PLEKHM1: variants seen among roughly 807,000 people sequenced by gnomAD.
PLEKHM1 encodes the protein pleckstrin homology and RUN domain containing M1.
A neutral mutation model predicts 94.3 loss-of-function variants in PLEKHM1; 28 were observed. The ratio of observed to expected loss-of-function variants is 0.30; its 90% confidence interval spans 0.22 to 0.41. PLEKHM1 has a LOEUF of 0.41. PLEKHM1 is among the 10% of genes least tolerant of loss of function. The pLI is 1.00. For synonymous variants in PLEKHM1, 424 were observed against 581.2 expected (o/e 0.73, Z 3.89); for missense variants, 907 against 1,358.6 (o/e 0.67, Z 5.22).
rs772114547 is a variant in PLEKHM1, at chr17:45,450,603, G to A, written c.2643+15C>T. The A allele has an allele frequency of 6.2e-7, 1 of 1,613,534 alleles. No individual in the cohort carries two copies. Among genetic ancestry groups the A allele is most frequent in the Non-Finnish European group, 8.5e-7 (1 of 1,179,856 alleles). ...TCTGTCCCTCAGCAGCTGGGCTGCT[G>A]GGCTTGAGACTTACCGGGCGCTTGG... On this transcript the variant is annotated intron_variant, in intron 8 of 11. Transcript: ENST00000430334.
Position 45,450,665 on chromosome 17 carries a change from C to G in PLEKHM1, c.2596G>C (p.Val866Leu). ...TTGTGGATGATCCTGGCCGGAATCA[C>G]TGAGGCATCGTCTTGGTGGCAGATG... ...CDICHQDDAS[V>L]IPARIIHNWD... Residue 866 changes from valine to leucine, a missense_variant, in exon 8 of 12, where the codon GTG becomes CTG. Physicochemically the swap from Val to Leu is conservative, Grantham distance 32. Coordinates refer to ENST00000430334, the MANE Select transcript of PLEKHM1 (RefSeq NM_014798.3). The G allele has an allele frequency of 6.2e-7, 1 of 1,611,754 alleles. No homozygotes were observed. Among genetic ancestry groups the G allele is most frequent in the Non-Finnish European group, 8.5e-7 (1 of 1,179,288 alleles).
At position 45,437,508 on chromosome 17, in the gene PLEKHM1, GA is replaced by G; in HGVS notation, c.*349del. 1 of 547,296 alleles carries G rather than the reference GA, an allele frequency of 1.8e-6. No individual in the cohort carries two copies. Among genetic ancestry groups the G allele is most frequent in the Non-Finnish European group, 3.5e-6 (1 of 287,598 alleles). The allele number at this position is 547,296 out of a possible 1,614,324, so 33.9% of individuals were successfully genotyped here. A position where few individuals can be genotyped will look rare whatever the true frequency, so the allele number is the denominator to read the frequency against. ...ACCTTTTAATCAGGAATGTGGAATT[GA>G]AAATGCTCCCCAAGTCCCCTTTCCA... On this transcript the variant is annotated 3_prime_UTR_variant, in exon 12 of 12. Transcript: ENST00000430334. The surrounding 1 kb of genome is among the most constrained non-coding windows in gnomAD (Gnocchi z 4.0).
chr17:45,438,820 G>A (rs2050350336), intron 11 of PLEKHM1, among the ~76,000 whole-genome samples: 2 of 152,108 alleles, frequency 1.3e-5, no homozygotes, highest in Non-Finnish European at 2.9e-5. Context: ...GCCTCCCAAA[G>A]TTGTGGGATT....
chr17:45,477,983 G>A lies in PLEKHM1; in HGVS notation c.213C>T (p.Ala71=), dbSNP rs1433978426. 3.7e-6 allele frequency: 6 copies of A among 1,613,990 alleles called. No individual in the cohort carries two copies. Among genetic ancestry groups the A allele is most frequent in the South Asian group, 1.1e-5 (1 of 91,070 alleles). The change falls in exon 3 of 12, where the codon GCC becomes GCT. Residue 71 remains alanine, a synonymous_variant. Transcript: ENST00000430334. The part of the protein sequence containing the change: ...GLHAKHIRAE[A]GGKRKKSAHQ... ...GGGCACTTTTCTTCCTTTTTCCTCC[G>A]GCCTCAGCTCGGATGTGCTTGGCGT...
Position 45,437,202 on chromosome 17 carries a change from A to G in PLEKHM1, c.*656T>C, listed in dbSNP as rs368368951. On this transcript the variant is annotated 3_prime_UTR_variant, in exon 12 of 12. Transcript: ENST00000430334. The surrounding 1 kb of genome is among the most constrained non-coding windows in gnomAD (Gnocchi z 4.0). ...CACTGGGGTGGGGAGTAAAGAGGAC[A>G]CAGAGGAACCGGGGTCGCCAGGACT... 2.2e-6 allele frequency: 1 copy of G among 452,726 alleles called. No individual in the cohort carries two copies. The highest frequency in any genetic ancestry group is 2.0e-5 in the African/African-American group (1 of 49,982). 28.0% of individuals were successfully genotyped at this position (452,726 alleles called of 1,614,324 possible).
At position 45,436,026 on chromosome 17, in the gene PLEKHM1, A is replaced by T. The variant is rs1456564050; in HGVS notation, c.*1832T>A. On this transcript the variant is annotated 3_prime_UTR_variant, in exon 12 of 12. Transcript: ENST00000430334. ...CACTAGGAACAGTGTATTGCATAAA[A>T]TAACATTTTAAAAATAGTGTGGGCA... 4.4e-6 allele frequency: 2 copies of T among 456,566 alleles called. No individual in the cohort carries two copies. The highest frequency in any genetic ancestry group is 4.0e-5 in the African/African-American group (2 of 50,106). 28.3% of individuals were successfully genotyped at this position (456,566 alleles called of 1,614,324 possible).
chr17:45,478,978 T>C (rs1242506419), intron 2 of PLEKHM1, among the ~76,000 whole-genome samples: 2 of 151,882 alleles, frequency 1.3e-5, no homozygotes, highest in Non-Finnish European at 2.9e-5. Flanking sequence ...ACTTTCTGAT[T>C]TATAGTACTA....
chr17:45,462,352 G>A (rs1271769371), intron 5 of PLEKHM1, among the ~76,000 whole-genome samples: 1 of 151,672 alleles, frequency 6.6e-6, no homozygotes, highest in African/African-American at 2.4e-5. Flanking sequence ...AAGAACTGGG[G>A]GACCCCCCTG....
At chr17:45,438,339 CT>C (rs1409153854) in intron 11 of PLEKHM1, among the ~76,000 whole-genome samples, 1 of 152,022 alleles carries the variant, frequency 6.6e-6, no homozygotes, top group African/African-American at 2.4e-5. Context: ...CGAGACCATC[CT>C]GGCTAACACA....
chr17:45,454,127 C>T lies in PLEKHM1; in HGVS notation c.1725G>A (p.Glu575=). 2 of 1,614,204 alleles carry T rather than the reference C, an allele frequency of 1.2e-6. No individual in the cohort carries two copies. Among genetic ancestry groups the T allele is most frequent in the Non-Finnish European group, 1.7e-6 (2 of 1,180,046 alleles). Reference sequence around the variant, plus strand: ...ACTCACAGCGAAGCAGCGAGCAGTTCTCCACACAGGTGTGCTCCTCGTTGC... The same window carrying T: ...ACTCACAGCGAAGCAGCGAGCAGTTTTCCACACAGGTGTGCTCCTCGTTGC... ...YLSNEEHTCV[E]NCSLLRCESV... The change falls in exon 7 of 12, where the codon GAG becomes GAA. Residue 575 remains glutamate (E), a synonymous_variant. Coordinates refer to ENST00000430334, the MANE Select transcript of PLEKHM1 (RefSeq NM_014798.3).
intron 1 of PLEKHM1, among the ~76,000 whole-genome samples, chr17:45,489,283 C>A (rs2052230265): frequency 6.6e-6 from 1 of 152,228 alleles, no homozygotes; most frequent in Admixed American, 6.5e-5. Context: ...CCCATCATAT[C>A]CCCTGAATTC....
intron 1 of PLEKHM1, among the ~76,000 whole-genome samples, chr17:45,488,556 T>C (rs1401778079): frequency 2.0e-5 from 3 of 152,090 alleles, no homozygotes; most frequent in Admixed American, 6.6e-5. Flanking sequence ...TGCATATTAA[T>C]GGGAGGACAT....
chr17:45,452,962 A>T (rs1192709156), intron 7 of PLEKHM1: 12 of 346,384 alleles, frequency 3.5e-5, no homozygotes, highest in Non-Finnish European at 5.5e-6. Flanking sequence ...TTTTATAATT[A>T]AAAAAAAGGG....
At chr17:45,464,487 G>A (rs1447321605) in intron 5 of PLEKHM1, among the ~76,000 whole-genome samples, 1 of 152,188 alleles carries the variant, frequency 6.6e-6, no homozygotes, top group African/African-American at 2.4e-5. Context: ...GAGGACCACA[G>A]GGGCAGACAT....
chr17:45,463,061 GGGCAACAGCA>G (rs1331851966), intron 5 of PLEKHM1, among the ~76,000 whole-genome samples: 2 of 147,952 alleles, frequency 1.4e-5, no homozygotes, highest in African/African-American at 5.0e-5. Context: ...ACTCCCACCT[GGGCAACAGCA>G]CAAGAGTCTG....
At chr17:45,482,083 C>T (rs1187112650) in intron 2 of PLEKHM1, among the ~76,000 whole-genome samples, 6 of 151,322 alleles carry the variant, frequency 4.0e-5, no homozygotes, top group Non-Finnish European at 8.8e-5. Flanking sequence ...ACCAATTTAC[C>T]CCCATTACTG....
rs769720686 is a variant in PLEKHM1, at chr17:45,445,435, G to A, written c.2837+35C>T. 1.0e-5 allele frequency: 16 copies of A among 1,579,638 alleles called. No individual in the cohort carries two copies. The highest frequency in any genetic ancestry group is 1.1e-5 in the Non-Finnish European group (13 of 1,149,070). The stretch of plus-strand genomic sequence containing the variant: ...TGTGTGCATGCATGTGCGTGTGTAC[G>A]TGCACTCACACGCATACACGTAGAG... On this transcript the variant is annotated intron_variant, in intron 9 of 11. Coordinates refer to ENST00000430334, the MANE Select transcript of PLEKHM1 (RefSeq NM_014798.3). The surrounding 1 kb of genome is among the most constrained non-coding windows in gnomAD (Gnocchi z 4.2).
intron 4 of PLEKHM1, 74 bp downstream of exon 4, chr17:45,475,026 G>C: frequency 4.0e-6 from 6 of 1,501,150 alleles, no homozygotes; most frequent in Non-Finnish European, 5.5e-6. Context: ...ACATGCTATG[G>C]GAAGAAAGGG....
Position 45,490,696 on chromosome 17 carries a change from AG to A in PLEKHM1, c.-87del, listed in dbSNP as rs2145380783. The stretch of plus-strand genomic sequence containing the variant: ...GGCGAGGGGCGCTCCCGGCCGCGGC[AG>A]CCCCTCAGCCTCCGAGCCGACGATG... On this transcript the variant is annotated 5_prime_UTR_variant, in exon 1 of 12. Coordinates refer to ENST00000430334, the MANE Select transcript of PLEKHM1 (RefSeq NM_014798.3). 1 of 450,660 alleles carries A rather than the reference AG, an allele frequency of 2.2e-6. No homozygotes were observed. The highest frequency in any genetic ancestry group is 2.4e-5 in the Admixed American group (1 of 42,370). 27.9% of individuals were successfully genotyped at this position (450,660 alleles called of 1,614,324 possible). A position where few individuals can be genotyped will look rare whatever the true frequency, so the allele number is the denominator to read the frequency against.
Sources: allele counts gnomAD v4.1 joint callset (sites outside exome capture counted in the v4.1 genomes callset), GRCh38; gene constraint gnomAD v4.1.1; non-coding constraint Gnocchi (gnomAD v3.1); transcripts MANE v1.5; gene names NCBI Gene and HGNC (gene_info 2026-07-23, HGNC 2026-07-21).